TMEM63C: variants seen among roughly 807,000 people sequenced by gnomAD.
TMEM63C encodes the protein transmembrane protein 63C.
Under a neutral mutation model 99.2 loss-of-function variants are expected in TMEM63C, and 32 were observed. The ratio of observed to expected loss-of-function variants is 0.32; its 90% CI spans 0.24 to 0.43. The LOEUF (loss-of-function observed/expected upper bound fraction) is 0.43. TMEM63C is among the 20% of genes least tolerant of loss of function. TMEM63C has a pLI of 1.00. For synonymous variants in TMEM63C, 376 were observed against 397.9 expected (o/e 0.94, Z 0.66); for missense variants, 826 against 1,053.0 (o/e 0.78, Z 2.98).
intron 1 of TMEM63C, among the ~76,000 whole-genome samples, chr14:77,196,449 G>A (rs1430595418): frequency 1.3e-5 from 2 of 152,332 alleles, no homozygotes; most frequent in African/African-American, 4.8e-5. Flanking sequence ...TGTCCCAGGT[G>A]ACCCTGCCCA....
chr14:77,205,415 G>A (rs754761988), intron 1 of TMEM63C, among the ~76,000 whole-genome samples: 14 of 152,196 alleles, frequency 9.2e-5, no homozygotes, highest in Non-Finnish European at 2.1e-4. Context: ...CCTAGAATGA[G>A]CTTGAGGAGG....
At chr14:77,226,411 C>T (rs2140115040) in intron 6 of TMEM63C, among the ~76,000 whole-genome samples, 1 of 152,292 alleles carries the variant, frequency 6.6e-6, no homozygotes, top group South Asian at 2.1e-4. Flanking sequence ...AAGTAGCGTC[C>T]CCGTGCACAA....
intron 1 of TMEM63C, among the ~76,000 whole-genome samples, chr14:77,205,089 G>A (rs1194586619): frequency 1.3e-5 from 2 of 152,240 alleles, no homozygotes; most frequent in African/African-American, 4.8e-5. Flanking sequence ...AACCTTCCAG[G>A]TGGTGGGACT....
intron 2 of TMEM63C, among the ~76,000 whole-genome samples, chr14:77,214,952 C>T (rs565631059): frequency 3.3e-5 from 5 of 152,314 alleles, no homozygotes; most frequent in African/African-American, 1.2e-4. Context: ...TTATTTCTCT[C>T]CTGGCTCAAA....
rs549705589 is a variant in TMEM63C at position 77,208,923 on chromosome 14, C to T, written c.-76-4523C>T. 2.6e-5 allele frequency among the ~76,000 whole-genome samples: 4 copies of T among 152,260 alleles called. No homozygotes were observed. In the East Asian group the frequency reaches 7.7e-4, roughly 29 times the overall value. On this transcript the variant is annotated intron_variant, in intron 1 of 23. Coordinates refer to ENST00000298351, the MANE Select transcript of TMEM63C (RefSeq NM_020431.4). ...CCCAGCTGGACCCAGCCAGGGGCAG[C>T]GGGATCATTGCTCTGCTTGCATCGT...
intron 1 of TMEM63C, among the ~76,000 whole-genome samples, chr14:77,198,133 T>C (rs1004350887): frequency 1.3e-5 from 2 of 152,346 alleles, no homozygotes; most frequent in East Asian, 3.9e-4. Flanking sequence ...GCAGTTATAA[T>C]GTGTACTCTG....
In TMEM63C at chr14:77,191,786, C is replaced by T. The variant is rs1405459765; in HGVS notation, c.-77+9892C>T. ...CTCGAACTCCCGACCTCAGGTGATC[C>T]GCCTGCCTCGGCCTCCCAAAGTGCC... On this transcript the variant is annotated intron_variant, in intron 1 of 23. Transcript: ENST00000298351. Among the ~76,000 whole-genome samples the T allele has an allele frequency of 7.2e-5, 11 of 152,164 alleles. No individual in the cohort carries two copies. The East Asian group carries it at 9.7e-4, about 13-fold the overall frequency.
At position 77,229,266 on chromosome 14, in the gene TMEM63C, A is replaced by T. The variant is rs184082502; in HGVS notation, c.351-2322A>T. On this transcript the variant is annotated intron_variant, in intron 6 of 23. Coordinates refer to ENST00000298351, the MANE Select transcript of TMEM63C (RefSeq NM_020431.4). ...TAAAAATACAAAAATTTGGCTGAGT[A>T]CACACCTGTAATCCCAGCTATTTGG... is the stretch of plus-strand genomic sequence containing the variant. 7.9e-5 allele frequency among the ~76,000 whole-genome samples: 12 copies of T among 151,928 alleles called. No homozygotes were observed. The East Asian group carries it at 2.4e-3, about 30-fold the overall frequency.
chr14:77,220,113 G>T (rs746347928), intron 5 of TMEM63C, 26 bp downstream of exon 5: 27 of 1,549,002 alleles, frequency 1.7e-5, no homozygotes, highest in Non-Finnish European at 1.8e-5. Flanking sequence ...GGTCTGGGCG[G>T]TGGGAGTCCC....
chr14:77,206,466 C>T (rs1425356633), intron 1 of TMEM63C, among the ~76,000 whole-genome samples: 1 of 152,194 alleles, frequency 6.6e-6, no homozygotes. Flanking sequence ...ACTTTGGCTT[C>T]GATGATGCAC....
Position 77,253,178 on chromosome 14 carries a change from G to C in TMEM63C, c.2149-127G>C, listed in dbSNP as rs1889399400. ...TCAGTCTTGCCAGGCTGAAGGTCTG[G>C]AAAGACAGAAGATGAGTTGAGTTCC... On this transcript the variant is annotated intron_variant, in intron 22 of 23. Coordinates refer to ENST00000298351, the MANE Select transcript of TMEM63C (RefSeq NM_020431.4). 3.6e-6 allele frequency: 3 copies of C among 836,262 alleles called. No homozygotes were observed. In the African/African-American group the frequency reaches 5.0e-5, roughly 14 times the overall value. The allele number at this position is 836,262 out of a possible 1,614,324, so 51.8% of individuals were successfully genotyped here.
intron 19 of TMEM63C, 116 bp from the exon 20 acceptor site, chr14:77,248,651 G>T: frequency 4.7e-6 from 7 of 1,500,166 alleles, no homozygotes; most frequent in Middle Eastern, 2.0e-4. Context: ...GGTCTACAGG[G>T]TTGGAAAGGA....
At chr14:77,239,845 C>A in intron 12 of TMEM63C, 119 bp downstream of exon 12, 2 of 1,354,196 alleles carry the variant, frequency 1.5e-6, no homozygotes, top group South Asian at 1.5e-5. Flanking sequence ...CTCTAGTGCT[C>A]CCCACCCAGC....
At chr14:77,195,184 C>T (rs535472743) in intron 1 of TMEM63C, among the ~76,000 whole-genome samples, 2 of 152,120 alleles carry the variant, frequency 1.3e-5, no homozygotes, top group African/African-American at 2.4e-5. Flanking sequence ...TTTTTAAATT[C>T]GTTTCTCAGT....
At chr14:77,196,287 C>T (rs1320210453) in intron 1 of TMEM63C, 1 of 152,518 alleles carries the variant, frequency 6.6e-6, no homozygotes, top group African/African-American at 2.4e-5. Context: ...GTGCCAGCTC[C>T]CCACTTTGAG....
intron 1 of TMEM63C, among the ~76,000 whole-genome samples, chr14:77,210,828 T>C (rs1218696487): frequency 6.6e-6 from 1 of 150,740 alleles, no homozygotes; most frequent in Non-Finnish European, 1.5e-5. Flanking sequence ...GAAGGCTAAA[T>C]GGCAAGGGGG....
intron 21 of TMEM63C, 73 bp downstream of exon 21, chr14:77,249,531 C>A: frequency 6.5e-7 from 1 of 1,528,234 alleles, no homozygotes; most frequent in Non-Finnish European, 8.9e-7. Flanking sequence ...AACACTGACC[C>A]TGTTAGAGGA....
chr14:77,245,596 CA>C (rs1336247797), intron 16 of TMEM63C, among the ~76,000 whole-genome samples: 16 of 152,190 alleles, frequency 1.1e-4, no homozygotes, highest in African/African-American at 3.9e-4. Flanking sequence ...GGAAGCCTCA[CA>C]ATCATGGTGG....
At chr14:77,249,259 C>A in intron 20 of TMEM63C, 32 bp from the exon 21 acceptor site, 1 of 1,609,742 alleles carries the variant, frequency 6.2e-7, no homozygotes, top group Non-Finnish European at 8.5e-7. Flanking sequence ...CTTGAAGGGG[C>A]CACTGAGTAA....
Sources: allele counts gnomAD v4.1 joint callset (sites outside exome capture counted in the v4.1 genomes callset), GRCh38; gene constraint gnomAD v4.1.1; transcripts MANE v1.5; gene names NCBI Gene and HGNC (gene_info 2026-07-23, HGNC 2026-07-21).